The following CCDC18 variants were observed in gnomAD, a reference collection of about 807,000 sequenced individuals.
The protein encoded by CCDC18 is coiled-coil domain containing 18.
Under a neutral mutation model 196.0 loss-of-function variants are expected in CCDC18, and 157 were observed. The observed-to-expected ratio is 0.80, with a 90% CI of 0.70 to 0.91. The LOEUF (loss-of-function observed/expected upper bound fraction) is 0.91. Among genes scored for constraint, CCDC18 ranks in the 40% least tolerant of loss-of-function variants. The pLI, the probability that CCDC18 is intolerant of heterozygous loss-of-function variation, is 0.00. For missense variants in CCDC18, 1,465 were observed against 1,611.6 expected, an observed-to-expected ratio of 0.91 and a Z score of 1.56; for synonymous variants, 482 against 529.2, an observed-to-expected ratio of 0.91 and a Z score of 1.22.
At chr1:93,222,473 A>G (rs895318865) in intron 16 of CCDC18, among the ~76,000 whole-genome samples, 2 of 152,162 alleles carry the variant, frequency 1.3e-5, no homozygotes, top group Non-Finnish European at 2.9e-5. Context: ...AAGTGATTCA[A>G]TTTTGCTTGT....
intron 6 of CCDC18, among the ~76,000 whole-genome samples, chr1:93,195,657 C>T (rs992051981): frequency 6.6e-6 from 1 of 152,030 alleles, no homozygotes; most frequent in African/African-American, 2.4e-5. Context: ...GGAGTTTGTT[C>T]CTTTTTTCCT....
intron 23 of CCDC18, among the ~76,000 whole-genome samples, chr1:93,251,376 C>T (rs531469532): frequency 6.6e-6 from 1 of 152,284 alleles, no homozygotes; most frequent in South Asian, 2.1e-4. Context: ...GTGGTTTACA[C>T]ACCATGATTT....
chr1:93,233,674 C>T (rs1454138764), intron 18 of CCDC18, among the ~76,000 whole-genome samples: 3 of 152,164 alleles, frequency 2.0e-5, no homozygotes, highest in Non-Finnish European at 4.4e-5. Context: ...TCTCAGCTCA[C>T]TGCAACCTCC....
chr1:93,264,668 T>C, intron 26 of CCDC18, 33 bp from the exon 27 acceptor site: 1 of 1,316,860 alleles, frequency 7.6e-7, no homozygotes, highest in South Asian at 1.3e-5. Flanking sequence ...CATTTTTTTA[T>C]TTTTTTTCTT....
chr1:93,256,523 A>G lies in CCDC18; in HGVS notation c.3531A>G (p.Gln1177=). ...RLSSELEDMK[Q]LSKEKDAHGN... is the part of the protein sequence containing the mutation. ...CTAGTGAACTGGAGGATATGAAGCA[A>G]CTCTCTAAAGAGAAAGTAATCCCTA... is the stretch of plus-strand genomic sequence containing the variant. Residue 1177 remains glutamine, a synonymous_variant, in exon 25 of 29, where the codon CAA becomes CAG. Coordinates refer to ENST00000690025, the MANE Select transcript of CCDC18 (RefSeq NM_001378204.1). 1 of 1,612,916 alleles carries G rather than the reference A, an allele frequency of 6.2e-7. No homozygotes were observed. The highest frequency in any genetic ancestry group is 1.3e-5 in the African/African-American group (1 of 74,988).
intron 4 of CCDC18, 22 bp downstream of exon 4, chr1:93,186,525 T>G: frequency 1.9e-6 from 3 of 1,560,428 alleles, no homozygotes; most frequent in South Asian, 1.2e-5. Flanking sequence ...GAAATAAGTT[T>G]GCCAACAGAA....
At chr1:93,229,901 TAAAG>T (rs1242313188) in intron 17 of CCDC18, among the ~76,000 whole-genome samples, 2 of 152,158 alleles carry the variant, frequency 1.3e-5, no homozygotes, top group Admixed American at 6.5e-5. Context: ...GTTTTCTGCA[TAAAG>T]ATTTTATTCA....
At position 93,192,061 on chromosome 1, in the gene CCDC18, T is replaced by C. The variant is rs1651909099; in HGVS notation, c.524T>C (p.Ile175Thr). The change falls in exon 5 of 29, where the codon ATT (isoleucine) becomes ACT (threonine). Residue 175 changes from isoleucine to threonine, a missense_variant. Transcript: ENST00000690025. ...AGTGTCCCAATCTTAGAAGAACAGA[T>C]TATAAATTTGGAAGCAGAGGTTTCA... Reference protein sequence around the residue: ...AASVPILEEQIINLEAEVSAQ... With the variant: ...AASVPILEEQTINLEAEVSAQ... 2 of 1,613,736 alleles carry C rather than the reference T, an allele frequency of 1.2e-6. No individual in the cohort carries two copies. Among genetic ancestry groups the C allele is most frequent in the Admixed American group, 1.7e-5 (1 of 60,000 alleles).
chr1:93,247,240 TTTGA>T (rs1439785863), intron 23 of CCDC18, among the ~76,000 whole-genome samples: 4 of 152,210 alleles, frequency 2.6e-5, no homozygotes, highest in Middle Eastern at 3.4e-3. Flanking sequence ...CTTTCACTTC[TTTGA>T]TTAAATTTCT....
At position 93,217,737 on chromosome 1, in the gene CCDC18, G is replaced by A. The variant is rs1276182522; in HGVS notation, c.1831-1G>A. 1.2e-5 allele frequency: 19 copies of A among 1,595,042 alleles called. No homozygotes were observed. The highest frequency in any genetic ancestry group is 1.4e-5 in the Non-Finnish European group (17 of 1,172,586). On this transcript the variant is annotated splice_acceptor_variant, in intron 13 of 28. Coordinates refer to ENST00000690025, the MANE Select transcript of CCDC18 (RefSeq NM_001378204.1). LOFTEE classifies it high-confidence loss of function. ...TCCTTTAAAGTGTTTTGTGTTTCTA[G>A]GAAAAGAATGAAAAGATAAGGAGTC...
chr1:93,193,653 G>A lies in CCDC18; in HGVS notation c.607G>A (p.Val203Ile), dbSNP rs1177340140. 1.9e-6 allele frequency: 3 copies of A among 1,593,126 alleles called. No individual in the cohort carries two copies. Among genetic ancestry groups the A allele is most frequent in the African/African-American group, 1.4e-5 (1 of 73,582 alleles). ...TAAGCTGGAACAGAGCCAGAAAATG[G>A]TAATTGAAAAGGAACAGAGTTTGCA... ...ENKLEQSQKM[V>I]IEKEQSLQES... is the part of the protein sequence containing the mutation. The change falls in exon 6 of 29, where the codon GTA becomes ATA. Residue 203 changes from valine (V) to isoleucine (I), a missense_variant. Coordinates refer to ENST00000690025, the MANE Select transcript of CCDC18 (RefSeq NM_001378204.1).
In CCDC18 at chr1:93,264,212, A is replaced by G. The variant is rs1664193332; in HGVS notation, c.3685-489A>G. On this transcript the variant is annotated intron_variant, in intron 26 of 28. Transcript: ENST00000690025. ...TGGGTGAAACCATCCCCATGACCCA[A>G]TCACCTCCCACCAGGTTGCTCCTTT... Among the ~76,000 whole-genome samples, 3 of 152,104 alleles carry G rather than the reference A, an allele frequency of 2.0e-5. No homozygotes were observed. The South Asian group carries it at 6.2e-4, about 32-fold the overall frequency.
intron 1 of CCDC18, among the ~76,000 whole-genome samples, chr1:93,182,376 G>A (rs899420964): frequency 6.6e-6 from 1 of 152,158 alleles, no homozygotes; most frequent in African/African-American, 2.4e-5. Context: ...GCTTCTCTAA[G>A]TACATTGCGG....
At chr1:93,184,657 C>T (rs1444511198) in intron 3 of CCDC18, among the ~76,000 whole-genome samples, 2 of 151,842 alleles carry the variant, frequency 1.3e-5, no homozygotes, top group African/African-American at 2.4e-5. Context: ...GCATTTATCC[C>T]TCTTCCTCAC....
intron 26 of CCDC18, among the ~76,000 whole-genome samples, chr1:93,262,990 G>C (rs1664021227): frequency 6.6e-6 from 1 of 152,054 alleles, no homozygotes; most frequent in Non-Finnish European, 1.5e-5. Flanking sequence ...AAGGTGTGGG[G>C]CTTGCACCCT....
At chr1:93,254,326 C>T in intron 23 of CCDC18, 145 bp from the exon 24 acceptor site, 1 of 574,360 alleles carries the variant, frequency 1.7e-6, no homozygotes, top group East Asian at 3.3e-5. Context: ...AATTTTTGTG[C>T]TTATTTCCAG....
chr1:93,187,795 A>G (rs1650972636), intron 4 of CCDC18, among the ~76,000 whole-genome samples: 1 of 152,176 alleles, frequency 6.6e-6, no homozygotes, highest in African/African-American at 2.4e-5. Context: ...ATGTTTTTCA[A>G]GCATTTACAT....
intron 19 of CCDC18, 76 bp downstream of exon 19, chr1:93,236,466 T>C: frequency 1.4e-6 from 2 of 1,387,496 alleles, no homozygotes; most frequent in Non-Finnish European, 2.0e-6. Flanking sequence ...CAGATAATGT[T>C]CAGTGGAGCA....
upstream of CCDC18, chr1:93,180,683 G>A (rs374426944): frequency 3.4e-4 from 456 of 1,344,424 alleles, 3 homozygotes; most frequent in South Asian, 2.7e-3. Context: ...CGCCGGGGCG[G>A]GGCAGTGACC....
Sources: gnomAD v4.1 joint callset for allele counts (sites outside exome capture counted in the v4.1 genomes callset) on GRCh38, gnomAD v4.1.1 for gene constraint, MANE v1.5 for transcripts, NCBI Gene and HGNC (gene_info 2026-07-23, HGNC 2026-07-21) for gene names.